Variants in FMN1 observed in about 807,000 individuals in gnomAD.
The protein encoded by FMN1 is formin 1.
A neutral mutation model predicts 132.4 loss-of-function variants in FMN1; 110 were observed. The ratio of observed to expected loss-of-function variants is 0.83; its 90% CI spans 0.71 to 0.97. The LOEUF (loss-of-function observed/expected upper bound fraction) is 0.97, where lower values mean the gene tolerates loss of function less well. FMN1 is among the 50% of genes least tolerant of loss of function. FMN1 has a pLI of 0.00. For missense variants in FMN1, 1,792 were observed against 1,705.3 expected (o/e 1.05, Z -0.90); for synonymous variants, 722 against 651.7 (o/e 1.11, Z -1.64).
chr15:33,055,637 C>T (rs1283309844), intron 6 of FMN1, among the ~76,000 whole-genome samples: 1 of 151,204 alleles, frequency 6.6e-6, no homozygotes, highest in Non-Finnish European at 1.5e-5. Flanking sequence ...AAAATCAACG[C>T]CCAGAATATT....
At chr15:32,973,221 A>G (rs2031930566) in intron 7 of FMN1, among the ~76,000 whole-genome samples, 1 of 152,188 alleles carries the variant, frequency 6.6e-6, no homozygotes, top group Non-Finnish European at 1.5e-5. Context: ...ACACATCAAC[A>G]GCTCTTCTGA....
intron 11 of FMN1, 32 bp downstream of exon 11, chr15:32,910,442 A>G (rs1466234712): frequency 6.6e-7 from 1 of 1,511,418 alleles, no homozygotes; most frequent in East Asian, 2.4e-5. Context: ...ATAAATATGG[A>G]AATACTAGCT....
At chr15:32,931,740 A>C (rs2061123496) in intron 9 of FMN1, among the ~76,000 whole-genome samples, 2 of 152,202 alleles carry the variant, frequency 1.3e-5, no homozygotes, top group South Asian at 4.1e-4. Flanking sequence ...ATGTTGAATA[A>C]AGTAGCATGA....
chr15:32,965,818 G>A (rs1034671458), intron 8 of FMN1, among the ~76,000 whole-genome samples: 1 of 152,136 alleles, frequency 6.6e-6, no homozygotes, highest in African/African-American at 2.4e-5. Context: ...ACAATAGAAT[G>A]AACACCTGGG....
intron 17 of FMN1, among the ~76,000 whole-genome samples, chr15:32,824,013 A>G (rs1170214342): frequency 6.6e-6 from 1 of 152,214 alleles, no homozygotes. Flanking sequence ...ATAAAATGGC[A>G]TGTGTGATTA....
chr15:32,970,424 A>C (rs2031681566), intron 7 of FMN1, among the ~76,000 whole-genome samples: 1 of 152,212 alleles, frequency 6.6e-6, no homozygotes, highest in Admixed American at 6.5e-5. Context: ...CACAAGATGA[A>C]ACTGGTGACA....
chr15:33,135,424 T>C (rs1963721490), intron 4 of FMN1, among the ~76,000 whole-genome samples: 1 of 152,208 alleles, frequency 6.6e-6, no homozygotes, highest in Non-Finnish European at 1.5e-5. Flanking sequence ...GATAAGCCAC[T>C]GCACAGCACA....
At chr15:32,862,976 C>G (rs2059307980) in intron 16 of FMN1, among the ~76,000 whole-genome samples, 1 of 152,214 alleles carries the variant, frequency 6.6e-6, no homozygotes. Context: ...CACAAGCTCC[C>G]TGCTCAAAGG....
chr15:32,829,546 C>T (rs374040952), intron 17 of FMN1, among the ~76,000 whole-genome samples: 14 of 152,180 alleles, frequency 9.2e-5, no homozygotes, highest in South Asian at 2.1e-4. Context: ...ATCAAGAGCC[C>T]GTGCCTTCCT....
chr15:32,878,532 G>A (rs1200092922), intron 16 of FMN1, among the ~76,000 whole-genome samples: 2 of 152,142 alleles, frequency 1.3e-5, no homozygotes, highest in African/African-American at 4.8e-5. Flanking sequence ...GAAGTTAAGA[G>A]TCAACAGGAC....
chr15:32,886,534 C>A (rs1007219607), intron 16 of FMN1, among the ~76,000 whole-genome samples: 1 of 152,120 alleles, frequency 6.6e-6, no homozygotes, highest in African/African-American at 2.4e-5. Flanking sequence ...TGCTCGCCTC[C>A]CAGTTCACTC....
chr15:33,138,879 A>G (rs745874594), intron 4 of FMN1, among the ~76,000 whole-genome samples: 1 of 152,080 alleles, frequency 6.6e-6, no homozygotes. Flanking sequence ...CTCTGACCTA[A>G]CCTCAAAATC....
Position 33,123,780 on chromosome 15 carries a change from G to C in FMN1, c.1867+29268C>G, listed in dbSNP as rs11072243. On this transcript the variant is annotated intron_variant, in intron 4 of 20. Coordinates refer to ENST00000616417, the MANE Select transcript of FMN1 (RefSeq NM_001277313.2). The stretch of plus-strand genomic sequence containing the variant: ...TCCACTACGTAAAGTTTCTTAGTTA[G>C]AACTTCTTGTATTACAAGTGGCAGA... Among the ~76,000 whole-genome samples, 894 of 152,276 alleles carry C rather than the reference G, an allele frequency of 5.9e-3. 5 individuals carry two copies. Among genetic ancestry groups the C allele is most frequent in the African/African-American group, 0.021 (867 of 41,554 alleles).
At chr15:32,880,294 T>G (rs899867776) in intron 16 of FMN1, among the ~76,000 whole-genome samples, 8 of 152,172 alleles carry the variant, frequency 5.3e-5, no homozygotes, top group South Asian at 4.1e-4. Flanking sequence ...CTCTCAGAAT[T>G]TTTTTTTCTG....
chr15:32,864,315 AC>A (rs1210686354), intron 16 of FMN1, among the ~76,000 whole-genome samples: 1 of 152,200 alleles, frequency 6.6e-6, no homozygotes, highest in Admixed American at 6.5e-5. Context: ...GGTGAGGATA[AC>A]TAGGAGAGGG....
chr15:33,001,998 G>A (rs2034147573), intron 7 of FMN1, among the ~76,000 whole-genome samples: 1 of 152,102 alleles, frequency 6.6e-6, no homozygotes, highest in Non-Finnish European at 1.5e-5. Context: ...GCTGGTGGGG[G>A]AAACTGAACA....
chr15:33,086,272 A>G (rs565388372), intron 5 of FMN1, among the ~76,000 whole-genome samples: 7 of 150,390 alleles, frequency 4.7e-5, no homozygotes, highest in African/African-American at 1.7e-4. Context: ...AAAAAAAAAA[A>G]GCAAAAACAA....
At chr15:33,053,117 G>C (rs2037054796) in intron 6 of FMN1, among the ~76,000 whole-genome samples, 1 of 152,144 alleles carries the variant, frequency 6.6e-6, no homozygotes. Context: ...CTGGACAAGA[G>C]CTTGGGACCC....
At chr15:32,827,121 C>T (rs1024171732) in intron 17 of FMN1, among the ~76,000 whole-genome samples, 1 of 152,146 alleles carries the variant, frequency 6.6e-6, no homozygotes, top group African/African-American at 2.4e-5. Flanking sequence ...TTCCAAGGTT[C>T]ACTTTACTGA....
Sources: allele counts gnomAD v4.1 joint callset (sites outside exome capture counted in the v4.1 genomes callset), GRCh38; gene constraint gnomAD v4.1.1; transcripts MANE v1.5; gene names NCBI Gene and HGNC (gene_info 2026-07-23, HGNC 2026-07-21).